MEF2C: variants seen among roughly 807,000 people sequenced by gnomAD.
The protein encoded by MEF2C is myocyte enhancer factor 2C, also known as myocyte-specific enhancer factor 2C.
A neutral mutation model predicts 50.5 loss-of-function variants in MEF2C; 6 were observed. That is an observed-to-expected ratio of 0.12 (90% CI 0.07 to 0.23). The LOEUF (loss-of-function observed/expected upper bound fraction) is 0.23. MEF2C is among the 10% of genes least tolerant of loss of function. The pLI is 1.00. For missense variants in MEF2C, 276 were observed against 605.0 expected, an observed-to-expected ratio of 0.46 and a Z score of 5.70; for synonymous variants, 183 against 228.0, an observed-to-expected ratio of 0.80 and a Z score of 1.78.
In MEF2C at chr5:88,749,126, T is replaced by A; in HGVS notation, c.590-9A>T. On this transcript the variant is annotated splice_polypyrimidine_tract_variant and intron_variant, in intron 5 of 10. Transcript: ENST00000504921. ...TCCACCCATCAGACCACCTATGGATTAAAGAGGAAGATCAAAACGAGAAAG... is the reference window on the plus strand; with the variant it reads ...TCCACCCATCAGACCACCTATGGATAAAAGAGGAAGATCAAAACGAGAAAG... The A allele has an allele frequency of 6.4e-7, 1 of 1,561,096 alleles. No individual in the cohort carries two copies. Among genetic ancestry groups the A allele is most frequent in the Non-Finnish European group, 8.7e-7 (1 of 1,153,620 alleles).
chr5:88,734,565 GTTTTTTT>G (rs66505441), intron 6 of MEF2C: 29,969 of 531,186 alleles, frequency 0.056, 17 homozygotes, highest in Non-Finnish European at 0.058. Context: ...AGAAAAGTTT[GTTTTTTT>G]TTTTTTTTTT....
intron 10 of MEF2C, among the ~76,000 whole-genome samples, chr5:88,726,861 G>A (rs551926914): frequency 1.3e-5 from 2 of 152,060 alleles, no homozygotes; most frequent in Non-Finnish European, 2.9e-5. Context: ...GTGTTTATAT[G>A]TAAAAATATA....
chr5:88,772,692 A>G (rs2152788514), intron 3 of MEF2C: 1 of 973,016 alleles, frequency 1.0e-6, no homozygotes, highest in Non-Finnish European at 1.2e-6. Flanking sequence ...AATACGTGAC[A>G]TTCAAATCTT....
intron 1 of MEF2C, among the ~76,000 whole-genome samples, chr5:88,890,922 G>A (rs1449010253): frequency 6.6e-6 from 1 of 152,082 alleles, no homozygotes; most frequent in Non-Finnish European, 1.5e-5. Context: ...CCCCTAACAG[G>A]GTCCAGTATA....
chr5:88,738,742 G>A, intron 6 of MEF2C: 8 of 985,342 alleles, frequency 8.1e-6, no homozygotes, highest in South Asian at 4.7e-5. Flanking sequence ...AGCCAGAGGT[G>A]ATGTGCAAGT....
chr5:88,782,221 C>A (rs1418536330), intron 3 of MEF2C: 48 of 918,712 alleles, frequency 5.2e-5, no homozygotes, highest in Non-Finnish European at 6.2e-5. Context: ...GTAATCCAAG[C>A]ACTTGAGAGG....
chr5:88,818,901 G>A (rs951513673), intron 2 of MEF2C, among the ~76,000 whole-genome samples: 2 of 151,978 alleles, frequency 1.3e-5, no homozygotes, highest in African/African-American at 4.8e-5. Flanking sequence ...AATAGCTAAT[G>A]GTTCAAAGAG....
chr5:88,845,195 CA>C (rs1271208719), intron 1 of MEF2C, among the ~76,000 whole-genome samples: 1 of 152,192 alleles, frequency 6.6e-6, no homozygotes, highest in African/African-American at 2.4e-5. Flanking sequence ...CGCTTAACTG[CA>C]ACTGTCATAT....
intron 1 of MEF2C, among the ~76,000 whole-genome samples, chr5:88,864,954 G>A (rs932019472): frequency 6.6e-6 from 1 of 152,088 alleles, no homozygotes; most frequent in African/African-American, 2.4e-5. Flanking sequence ...TTTTAGTACA[G>A]ACGGGGTTTC....
At chr5:88,740,297 T>C in intron 6 of MEF2C, 1 of 968,900 alleles carries the variant, frequency 1.0e-6, no homozygotes, top group Non-Finnish European at 1.2e-6. Context: ...AATGAGACAA[T>C]GAGCTTTTAA....
At chr5:88,889,577 TG>T (rs1561491819) in intron 1 of MEF2C, 1 of 150,814 alleles carries the variant, frequency 6.6e-6, no homozygotes, top group East Asian at 2.0e-4. Context: ...GTGCGACGAG[TG>T]GGCGGCCACG....
At chr5:88,776,230 A>G (rs1004853360) in intron 3 of MEF2C, among the ~76,000 whole-genome samples, 7 of 152,184 alleles carry the variant, frequency 4.6e-5, no homozygotes, top group Non-Finnish European at 7.4e-5. Flanking sequence ...TTAAATTGAC[A>G]AACAATACTT....
chr5:88,753,243 G>A (rs1773697106), intron 4 of MEF2C, among the ~76,000 whole-genome samples: 1 of 151,998 alleles, frequency 6.6e-6, no homozygotes, highest in Admixed American at 6.6e-5. Flanking sequence ...CTTTGTTTAT[G>A]TTTATGCTCC....
At chr5:88,753,520 C>A (rs1421636476) in intron 4 of MEF2C, among the ~76,000 whole-genome samples, 1 of 152,130 alleles carries the variant, frequency 6.6e-6, no homozygotes, top group African/African-American at 2.4e-5. Context: ...CTCTGCCTCC[C>A]AAGCAGTGGT....
At position 88,717,456 on chromosome 5, in the gene MEF2C, A is replaced by G. The variant is rs1561606582; in HGVS notation, c.*5148T>C. Reference sequence around the variant, plus strand: ...AAGTTTCCTAAGAGAAAGGGCTACAACTTCATTCATCCTGGAATCACCACA... The same window carrying G: ...AAGTTTCCTAAGAGAAAGGGCTACAGCTTCATTCATCCTGGAATCACCACA... On this transcript the variant is annotated 3_prime_UTR_variant, in exon 11 of 11. Coordinates refer to ENST00000504921, the MANE Select transcript of MEF2C (RefSeq NM_002397.5). The G allele has an allele frequency of 6.6e-6, 1 of 152,228 alleles. No individual in the cohort carries two copies. Among genetic ancestry groups the G allele is most frequent in the Non-Finnish European group, 1.5e-5 (1 of 68,040 alleles). The allele number at this position is 152,228 out of a possible 1,614,324, so 9.4% of individuals were successfully genotyped here.
intron 5 of MEF2C, 92 bp downstream of exon 5, chr5:88,751,765 C>T: frequency 7.2e-7 from 1 of 1,383,632 alleles, no homozygotes; most frequent in Non-Finnish European, 1.0e-6. Context: ...AGTGGAAAAC[C>T]AGAAAACATC....
intron 1 of MEF2C, among the ~76,000 whole-genome samples, chr5:88,828,599 C>T (rs980108391): frequency 1.3e-5 from 2 of 151,974 alleles, no homozygotes; most frequent in African/African-American, 4.8e-5. Context: ...AGCCCAGTTG[C>T]TGCAAACCTA....
At chr5:88,741,190 T>G (rs1052931273) in intron 6 of MEF2C, 32 of 985,266 alleles carry the variant, frequency 3.2e-5, no homozygotes, top group Non-Finnish European at 3.9e-5. Flanking sequence ...CACCACACAT[T>G]TCATAAATAC....
chr5:88,798,836 C>T (rs1430148016), intron 3 of MEF2C, among the ~76,000 whole-genome samples: 1 of 152,156 alleles, frequency 6.6e-6, no homozygotes, highest in Admixed American at 6.5e-5. Context: ...GTGCAGACAT[C>T]CTTTTTGTTG....
Sources: gnomAD v4.1 joint callset for allele counts (sites outside exome capture counted in the v4.1 genomes callset) on GRCh38, gnomAD v4.1.1 for gene constraint, MANE v1.5 for transcripts, NCBI Gene and HGNC (gene_info 2026-07-23, HGNC 2026-07-21) for gene names.